Variants in IL1RL2 observed in about 807,000 individuals in gnomAD.
IL1RL2 encodes the protein interleukin-1 receptor-like 2.
In IL1RL2, 68 loss-of-function variants were observed where a neutral mutation model predicts 66.8. That is an observed-to-expected ratio of 1.02 (90% CI 0.84 to 1.25). The LOEUF is 1.25. IL1RL2 is among the 50% of genes most tolerant of loss of function. The pLI is 0.00. For synonymous variants in IL1RL2, 305 were observed against 264.6 expected (o/e 1.15, Z -1.48); for missense variants, 729 against 709.3 (o/e 1.03, Z -0.32).
chr2:102,210,276 T>G (rs1169817634), intron 5 of IL1RL2, among the ~76,000 whole-genome samples: 1 of 152,014 alleles, frequency 6.6e-6, no homozygotes, highest in Non-Finnish European at 1.5e-5. Flanking sequence ...TGATCCTGAA[T>G]GAGAGAAATT....
At chr2:102,195,637 C>T (rs371396008) in intron 4 of IL1RL2, among the ~76,000 whole-genome samples, 15 of 30,402 alleles carry the variant, frequency 4.9e-4, no homozygotes, top group African/African-American at 9.8e-4. Context: ...TTCTCTCTCT[C>T]TCTCTCTCTC....
At chr2:102,200,672 C>A (rs1688177698) in intron 4 of IL1RL2, among the ~76,000 whole-genome samples, 4 of 152,096 alleles carry the variant, frequency 2.6e-5, no homozygotes. Flanking sequence ...GGACAGGGAG[C>A]AGGTTTGGGA....
intron 6 of IL1RL2, among the ~76,000 whole-genome samples, chr2:102,214,739 G>A (rs887753496): frequency 4.6e-5 from 7 of 151,824 alleles, no homozygotes; most frequent in Non-Finnish European, 1.5e-5. Context: ...AGAAAAAATT[G>A]AATAGAAGAA....
rs903742536 is a variant in IL1RL2, at chr2:102,187,132, C to A, written c.-13+46C>A. On this transcript the variant is annotated intron_variant, in intron 1 of 11. Coordinates refer to ENST00000264257, the MANE Select transcript of IL1RL2 (RefSeq NM_003854.4). ...CTGGCTGAGCCAGGCATGGGTGGGG[C>A]CCTGACAGTAGGAGAGGTGTGCAGG... 3.1e-6 allele frequency: 4 copies of A among 1,283,040 alleles called. No homozygotes were observed. The African/African-American group carries it at 4.6e-5, about 15-fold the overall frequency. The allele number at this position is 1,283,040 out of a possible 1,614,324, so 79.5% of individuals were successfully genotyped here.
At chr2:102,187,144 G>A (rs1686748870) in intron 1 of IL1RL2, 58 bp downstream of exon 1, 2 of 1,278,562 alleles carry the variant, frequency 1.6e-6, no homozygotes, top group South Asian at 2.5e-5. Flanking sequence ...CTGACAGTAG[G>A]AGAGGTGTGC....
chr2:102,196,487 C>G (rs955976577), intron 4 of IL1RL2, among the ~76,000 whole-genome samples: 1 of 152,182 alleles, frequency 6.6e-6, no homozygotes, highest in Non-Finnish European at 1.5e-5. Context: ...TCTGCAATAT[C>G]TGGAGTCTGT....
At chr2:102,231,703 A>C (rs921996321) in intron 9 of IL1RL2, among the ~76,000 whole-genome samples, 3 of 152,088 alleles carry the variant, frequency 2.0e-5, no homozygotes, top group African/African-American at 7.2e-5. Flanking sequence ...GGTCTTGTTC[A>C]TCTCTTCATT....
intron 4 of IL1RL2, among the ~76,000 whole-genome samples, chr2:102,199,608 T>C (rs1688062671): frequency 6.6e-6 from 1 of 152,234 alleles, no homozygotes; most frequent in Admixed American, 6.5e-5. Context: ...GAGTTTAAAC[T>C]TTGAAATAAT....
At chr2:102,194,838 C>T (rs1201693221) in intron 4 of IL1RL2, among the ~76,000 whole-genome samples, 1 of 152,070 alleles carries the variant, frequency 6.6e-6, no homozygotes, top group South Asian at 2.1e-4. Flanking sequence ...ACCTTGAACC[C>T]CTGGGCTCGA....
intron 10 of IL1RL2, 101 bp downstream of exon 10, chr2:102,233,225 A>G (rs561523947): frequency 3.5e-6 from 4 of 1,137,840 alleles, no homozygotes; most frequent in African/African-American, 1.6e-5. Flanking sequence ...TGCCTTCCCC[A>G]TGGAACCACA....
chr2:102,191,380 A>G (rs1371920894), intron 3 of IL1RL2, among the ~76,000 whole-genome samples: 2 of 152,164 alleles, frequency 1.3e-5, no homozygotes, highest in Non-Finnish European at 2.9e-5. Flanking sequence ...TAATCTTATC[A>G]ATGATCTCAT....
chr2:102,233,202 C>CAGAGTCACCGCCATTA, intron 10 of IL1RL2, 78 bp downstream of exon 10: 1 of 1,373,946 alleles, frequency 7.3e-7, no homozygotes, highest in Non-Finnish European at 1.0e-6. Context: ...TTACTAATGG[C>CAGAGTCACCGCCATTA]GGTGACTCTG....
intron 4 of IL1RL2, among the ~76,000 whole-genome samples, chr2:102,196,442 G>GTTGT (rs1284683111): frequency 2.0e-5 from 3 of 152,188 alleles, no homozygotes; most frequent in Admixed American, 1.3e-4. Context: ...GGGCCTCAGT[G>GTTGT]TTGTCATCTG....
intron 7 of IL1RL2, 55 bp from the exon 8 acceptor site, chr2:102,219,826 A>C: frequency 6.7e-7 from 1 of 1,491,162 alleles, no homozygotes; most frequent in East Asian, 2.3e-5. Context: ...CAGATTATAA[A>C]ATATGTTGGG....
intron 9 of IL1RL2, among the ~76,000 whole-genome samples, chr2:102,230,497 C>T (rs1312700333): frequency 1.3e-5 from 2 of 152,190 alleles, no homozygotes; most frequent in Non-Finnish European, 2.9e-5. Context: ...TCAGATTCAT[C>T]CCCAACATAG....
chr2:102,229,348 C>T (rs527768752), intron 9 of IL1RL2, among the ~76,000 whole-genome samples: 32 of 152,298 alleles, frequency 2.1e-4, no homozygotes, highest in Admixed American at 5.9e-4. Context: ...CAGACTGACA[C>T]AGCTGCACAG....
intron 9 of IL1RL2, among the ~76,000 whole-genome samples, chr2:102,227,871 G>T (rs548206976): frequency 6.6e-6 from 1 of 152,222 alleles, no homozygotes; most frequent in South Asian, 2.1e-4. Context: ...TCCCAGGAGC[G>T]TGACTATAGC....
At chr2:102,229,598 G>A (rs557541397) in intron 9 of IL1RL2, among the ~76,000 whole-genome samples, 6 of 152,314 alleles carry the variant, frequency 3.9e-5, no homozygotes, top group African/African-American at 1.4e-4. Context: ...GCCGTTGCCT[G>A]GCAAGGCTCT....
Position 102,201,663 on chromosome 2 carries a change from G to T in IL1RL2, c.597G>T (p.Leu199=). ...DRGNYACQAI[L]THSGKQYEVL... ...GGAACTACGCGTGTCAAGCCATACT[G>T]ACACACTCAGGGAAGCAGTACGAGG... The change falls in exon 5 of 12, where the codon CTG becomes CTT. Residue 199 remains leucine, a synonymous_variant. Coordinates refer to ENST00000264257, the MANE Select transcript of IL1RL2 (RefSeq NM_003854.4). The T allele has an allele frequency of 6.2e-7, 1 of 1,614,108 alleles. No homozygotes were observed. The highest frequency in any genetic ancestry group is 8.5e-7 in the Non-Finnish European group (1 of 1,180,000).
Sources: gnomAD v4.1 joint callset for allele counts (sites outside exome capture counted in the v4.1 genomes callset) on GRCh38, gnomAD v4.1.1 for gene constraint, MANE v1.5 for transcripts, NCBI Gene and HGNC (gene_info 2026-07-23, HGNC 2026-07-21) for gene names.